WWOX: variants seen among roughly 807,000 people sequenced by gnomAD.
WWOX encodes WW domain-containing oxidoreductase.
In WWOX, 69 loss-of-function variants were observed where a neutral mutation model predicts 46.2. That is an observed-to-expected ratio of 1.49 (90% confidence interval 1.23 to 1.82). The LOEUF is 1.82. WWOX is among the 40% of genes most tolerant of loss of function. The pLI, the probability that WWOX is intolerant of heterozygous loss-of-function variation, is 0.00. For synonymous variants in WWOX, 359 were observed against 202.6 expected (o/e 1.77, Z -6.56); for missense variants, 919 against 542.6 (o/e 1.69, Z -6.89).
At chr16:78,112,640 C>G (rs1471343852) in intron 3 of WWOX, among the ~76,000 whole-genome samples, 1 of 148,952 alleles carries the variant, frequency 6.7e-6, no homozygotes, top group East Asian at 2.0e-4. Context: ...TTAAGGGTAT[C>G]AACGCATTGG....
At chr16:78,236,011 G>T (rs141654653) in intron 5 of WWOX, among the ~76,000 whole-genome samples, 20 of 152,310 alleles carry the variant, frequency 1.3e-4, no homozygotes, top group African/African-American at 4.1e-4. Flanking sequence ...TGTTACAGCA[G>T]GAAAGCAGCC....
At chr16:78,580,231 G>A (rs552437709) in intron 8 of WWOX, among the ~76,000 whole-genome samples, 61 of 152,136 alleles carry the variant, frequency 4.0e-4, no homozygotes, top group Non-Finnish European at 6.3e-4. Context: ...GTGCCAGCAT[G>A]CCCGGCTAGC....
At chr16:79,196,370 C>G (rs1005440956) in intron 8 of WWOX, 1 of 152,130 alleles carries the variant, frequency 6.6e-6, no homozygotes, top group Non-Finnish European at 1.5e-5. Flanking sequence ...TCCAGGTACC[C>G]CAAGCTGGTT....
At chr16:78,212,044 T>C (rs8055997) in intron 5 of WWOX, among the ~76,000 whole-genome samples, 34,609 of 152,072 alleles carry the variant, frequency 0.23, 4,310 homozygotes, top group East Asian at 0.33. Context: ...ATTTGGTGTA[T>C]TTGGGAAAGG....
intron 6 of WWOX, among the ~76,000 whole-genome samples, chr16:78,402,031 G>C (rs1381625261): frequency 6.6e-6 from 1 of 152,170 alleles, no homozygotes; most frequent in East Asian, 1.9e-4. Context: ...ACAATTGAGT[G>C]ATTTTTATTA....
intron 8 of WWOX, among the ~76,000 whole-genome samples, chr16:78,629,103 T>G (rs1264250445): frequency 6.6e-6 from 1 of 152,210 alleles, no homozygotes; most frequent in Non-Finnish European, 1.5e-5. Context: ...TAAGTAGATT[T>G]AGCAAAGTTA....
intron 8 of WWOX, among the ~76,000 whole-genome samples, chr16:79,062,758 C>T (rs1204656091): frequency 2.6e-5 from 4 of 152,174 alleles, no homozygotes; most frequent in African/African-American, 7.2e-5. Flanking sequence ...CCTTCAGCCC[C>T]GGAACATCAC....
chr16:78,510,097 GTCTC>G (rs1209383925), intron 8 of WWOX, among the ~76,000 whole-genome samples: 3 of 103,418 alleles, frequency 2.9e-5, no homozygotes, highest in Non-Finnish European at 6.5e-5. Flanking sequence ...CTGTCTGTCT[GTCTC>G]TCTCGGAAAT....
chr16:78,647,624 T>C (rs974708984), intron 8 of WWOX, among the ~76,000 whole-genome samples: 9 of 152,180 alleles, frequency 5.9e-5, no homozygotes, highest in Non-Finnish European at 1.5e-5. Flanking sequence ...CAGCTACCAT[T>C]TCCTGAGGGC....
intron 5 of WWOX, among the ~76,000 whole-genome samples, chr16:78,336,178 A>G (rs776901003): frequency 6.6e-6 from 1 of 152,038 alleles, no homozygotes; most frequent in Non-Finnish European, 1.5e-5. Context: ...GGCCAATGAA[A>G]TGAAAAGCCT....
Position 78,157,261 on chromosome 16 carries a change from C to T in WWOX, c.410-6922C>T, listed in dbSNP as rs2034637738. Among the ~76,000 whole-genome samples, 3 of 152,144 alleles carry T rather than the reference C, an allele frequency of 2.0e-5. No individual in the cohort carries two copies. The South Asian group carries it at 6.2e-4, about 32-fold the overall frequency. ...GTTGCTTGCATATGGCTGTTGGCATCTCATTAGCCTGATTGATGGGGCAGA... is the reference window on the plus strand; with the variant it reads ...GTTGCTTGCATATGGCTGTTGGCATTTCATTAGCCTGATTGATGGGGCAGA... On this transcript the variant is annotated intron_variant, in intron 4 of 8. Coordinates refer to ENST00000566780, the MANE Select transcript of WWOX (RefSeq NM_016373.4).
At chr16:78,161,573 AGTAGCTGGGAC>A (rs1479420696) in intron 4 of WWOX, among the ~76,000 whole-genome samples, 2 of 151,912 alleles carry the variant, frequency 1.3e-5, no homozygotes, top group African/African-American at 4.8e-5. Flanking sequence ...CAGCCTTCTG[AGTAGCTGGGAC>A]TACCGGTACC....
At chr16:78,209,862 A>C (rs1296499796) in intron 5 of WWOX, among the ~76,000 whole-genome samples, 1 of 152,212 alleles carries the variant, frequency 6.6e-6, no homozygotes, top group African/African-American at 2.4e-5. Flanking sequence ...AGACCTTCAT[A>C]ATTCATTTAT....
In WWOX at chr16:79,212,188, G is replaced by C; in HGVS notation, c.*392G>C. 1 of 1,467,674 alleles carries C rather than the reference G, an allele frequency of 6.8e-7. No homozygotes were observed. The highest frequency in any genetic ancestry group is 8.9e-7 in the Non-Finnish European group (1 of 1,117,404). 90.9% of individuals were successfully genotyped at this position (1,467,674 alleles called of 1,614,324 possible). Reference sequence around the variant, plus strand: ...ACGGCCACCACTGCAGCCGGGGGCTGGCCTTCTCCTACTTAGGGAAGAAAA... The same window carrying C: ...ACGGCCACCACTGCAGCCGGGGGCTCGCCTTCTCCTACTTAGGGAAGAAAA... On this transcript the variant is annotated 3_prime_UTR_variant, in exon 9 of 9. Coordinates refer to ENST00000566780, the MANE Select transcript of WWOX (RefSeq NM_016373.4).
At chr16:78,868,168 A>G (rs1042174510) in intron 8 of WWOX, among the ~76,000 whole-genome samples, 11 of 152,218 alleles carry the variant, frequency 7.2e-5, no homozygotes, top group Admixed American at 2.0e-4. Flanking sequence ...AATGTAGTCT[A>G]TCGACACAAT....
At chr16:78,197,696 A>G (rs1351602016) in intron 5 of WWOX, among the ~76,000 whole-genome samples, 1 of 152,180 alleles carries the variant, frequency 6.6e-6, no homozygotes, top group Admixed American at 6.5e-5. Context: ...TATAGACATT[A>G]TATGATTTCA....
rs1489291428 is a variant in WWOX, at chr16:78,230,325, G to A, written c.516+66036G>A. ...CTCTAATGAACTTACAAAAGGCCAGGCCTAGTATTTCAGCTGTGTCCATGA... is the reference window on the plus strand; with the variant it reads ...CTCTAATGAACTTACAAAAGGCCAGACCTAGTATTTCAGCTGTGTCCATGA... On this transcript the variant is annotated intron_variant, in intron 5 of 8. Transcript: ENST00000566780. 2.6e-5 allele frequency among the ~76,000 whole-genome samples: 4 copies of A among 152,150 alleles called. No homozygotes were observed. In the East Asian group the frequency reaches 7.7e-4, roughly 29 times the overall value.
intron 5 of WWOX, among the ~76,000 whole-genome samples, chr16:78,211,049 G>T (rs1349068927): frequency 6.6e-6 from 1 of 152,122 alleles, no homozygotes; most frequent in Admixed American, 6.5e-5. Flanking sequence ...TTTTAGAATT[G>T]TGGGCAATTT....
chr16:78,354,606 T>C (rs956628261), intron 5 of WWOX, among the ~76,000 whole-genome samples: 1 of 152,184 alleles, frequency 6.6e-6, no homozygotes, highest in African/African-American at 2.4e-5. Context: ...TTTTATCACA[T>C]TTTATTCTTA....
Sources: allele counts gnomAD v4.1 joint callset (sites outside exome capture counted in the v4.1 genomes callset), GRCh38; gene constraint gnomAD v4.1.1; transcripts MANE v1.5; gene names NCBI Gene and HGNC (gene_info 2026-07-23, HGNC 2026-07-21).